CDADC1: variants seen among roughly 807,000 people sequenced by gnomAD.
CDADC1 encodes the protein cytidine and dCMP deaminase domain containing 1.
CDADC1 carries 39 observed loss-of-function variants against 54.9 expected under a neutral mutation model. The ratio of observed to expected loss-of-function variants is 0.71; its 90% confidence interval spans 0.55 to 0.93. The LOEUF is 0.93. Among genes scored for constraint, CDADC1 ranks in the 40% least tolerant of loss-of-function variants. CDADC1 has a pLI of 0.00. For synonymous variants in CDADC1, 186 were observed against 204.0 expected (o/e 0.91, Z 0.75); for missense variants, 518 against 618.8 (o/e 0.84, Z 1.73).
At chr13:49,268,908 A>C (rs1440217364) in intron 5 of CDADC1, among the ~76,000 whole-genome samples, 3 of 152,204 alleles carry the variant, frequency 2.0e-5, no homozygotes, top group Non-Finnish European at 2.9e-5. Context: ...TGGAAAAGGA[A>C]AATATTACTT....
At chr13:49,251,303 G>C (rs1952425520) in intron 2 of CDADC1, among the ~76,000 whole-genome samples, 1 of 151,632 alleles carries the variant, frequency 6.6e-6, no homozygotes, top group African/African-American at 2.4e-5. Flanking sequence ...AGCTACTTAG[G>C]AGGCTGAGGC....
At chr13:49,275,724 TATAGAGAGAGAGAG>T (rs1953107072) in intron 6 of CDADC1, among the ~76,000 whole-genome samples, 4 of 15,454 alleles carry the variant, frequency 2.6e-4, no homozygotes, top group Admixed American at 2.1e-3. Flanking sequence ...TATATATATA[TATAGAGAGAGAGAG>T]AGAGAGAGAG....
rs1367247191 is a variant in CDADC1 at position 49,248,000 on chromosome 13, G to A, written c.-38G>A. On this transcript the variant is annotated 5_prime_UTR_variant, in exon 1 of 10. Transcript: ENST00000251108. Reference sequence around the variant, plus strand: ...TAGGGCCGAGATCATGTCTGACTGGGAGAGGTTTCCTTGGCAGCAGAGGAC... The same window carrying A: ...TAGGGCCGAGATCATGTCTGACTGGAAGAGGTTTCCTTGGCAGCAGAGGAC... 6.5e-7 allele frequency: 1 copy of A among 1,536,254 alleles called. No individual in the cohort carries two copies. Among genetic ancestry groups the A allele is most frequent in the Non-Finnish European group, 8.8e-7 (1 of 1,133,046 alleles).
chr13:49,269,887 TTATAAG>T (rs1398832227), intron 5 of CDADC1, among the ~76,000 whole-genome samples: 27 of 152,362 alleles, frequency 1.8e-4, no homozygotes, highest in African/African-American at 5.0e-4. Flanking sequence ...TACTGTATAG[TTATAAG>T]TATATCCACT....
Position 49,259,362 on chromosome 13 carries a change from T to G in CDADC1, c.269T>G (p.Leu90Arg). Residue 90 changes from leucine to arginine, a missense_variant, in exon 4 of 10, where the codon CTT becomes CGT. Coordinates refer to ENST00000251108, the MANE Select transcript of CDADC1 (RefSeq NM_030911.4). ...TDKRQVKRTG[L>R]VVVKNMKIVG... ...TTAATGTAGGTAAAGAGAACTGGTC[T>G]TGTGGTGGTGAAAAACATGAAAATT... is the stretch of plus-strand genomic sequence containing the variant. 6.2e-7 allele frequency: 1 copy of G among 1,612,488 alleles called. No homozygotes were observed. Among genetic ancestry groups the G allele is most frequent in the Non-Finnish European group, 8.5e-7 (1 of 1,178,824 alleles).
chr13:49,248,028 T>C lies in CDADC1; in HGVS notation c.-10T>C. The C allele has an allele frequency of 1.3e-6, 2 of 1,552,046 alleles. No individual in the cohort carries two copies. The highest frequency in any genetic ancestry group is 1.4e-5 in the African/African-American group (1 of 73,178). ...AGGTTTCCTTGGCAGCAGAGGACGC[T>C]AGGTTTGGGATGAAAGAAGCTGGGC... On this transcript the variant is annotated 5_prime_UTR_variant, in exon 1 of 10. Transcript: ENST00000251108.
At chr13:49,278,251 A>G in intron 6 of CDADC1, 99 bp from the exon 7 acceptor site, 1 of 804,774 alleles carries the variant, frequency 1.2e-6, no homozygotes, top group Non-Finnish European at 1.8e-6. Flanking sequence ...AATTGAATGA[A>G]TATTCATTAT....
chr13:49,291,191 G>C (rs1166399016), intron 9 of CDADC1, among the ~76,000 whole-genome samples: 1 of 140,552 alleles, frequency 7.1e-6, no homozygotes, highest in Non-Finnish European at 1.5e-5. Flanking sequence ...TTTTGAGACA[G>C]GGTCTCGCTG....
rs759792512 is a variant in CDADC1 at position 49,282,236 on chromosome 13, G to GTTTTTT, written c.1410+1552_1410+1557dup. Among the ~76,000 whole-genome samples the GTTTTTT allele has an allele frequency of 8.3e-4, 78 of 94,126 alleles. 1 individual carries two copies. The highest frequency in any genetic ancestry group is 1.2e-3 in the Admixed American group (10 of 8,192). 61.8% of individuals were successfully genotyped at this position (94,126 alleles called of 152,430 possible). Reference sequence around the variant, plus strand: ...ACTATTTGGGTTCTGGTTTTTGTGGGTTTTTTTTTTTTTTTTTTTGCTTTT... The same window carrying GTTTTTT: ...ACTATTTGGGTTCTGGTTTTTGTGGGTTTTTTTTTTTTTTTTTTTTTTTTTGCTTTT... On this transcript the variant is annotated intron_variant, in intron 8 of 9. Transcript: ENST00000251108.
At chr13:49,260,712 A>G (rs1361214561) in intron 4 of CDADC1, among the ~76,000 whole-genome samples, 1 of 152,240 alleles carries the variant, frequency 6.6e-6, no homozygotes, top group African/African-American at 2.4e-5. Flanking sequence ...ATCTTGTTGC[A>G]TAGGCATCAT....
intron 8 of CDADC1, among the ~76,000 whole-genome samples, chr13:49,285,303 C>A (rs528510943): frequency 6.6e-6 from 1 of 151,684 alleles, no homozygotes; most frequent in East Asian, 1.9e-4. Context: ...CTCAGCCTCT[C>A]GAGTAGCTGG....
chr13:49,267,724 A>T lies in CDADC1; in HGVS notation c.665A>T (p.Asp222Val), dbSNP rs1230262139. The T allele has an allele frequency of 3.7e-6, 6 of 1,611,684 alleles. No homozygotes were observed. The highest frequency in any genetic ancestry group is 3.4e-6 in the Non-Finnish European group (4 of 1,179,106). The change falls in exon 5 of 10, where the codon GAT (aspartate) becomes GTT (valine). Residue 222 changes from aspartate (D) to valine (V), a missense_variant. Physicochemically the swap from Asp to Val is radical, Grantham distance 152. Coordinates refer to ENST00000251108, the MANE Select transcript of CDADC1 (RefSeq NM_030911.4). ...FIQKITKTLP[D>V]ANTDFYYECK... ...CAAAAAATTACAAAAACATTGCCGGATGCTAACACTGACTTTTATTATGAA... is the reference window on the plus strand; with the variant it reads ...CAAAAAATTACAAAAACATTGCCGGTTGCTAACACTGACTTTTATTATGAA...
In CDADC1 at chr13:49,263,268, T is replaced by A. The variant is rs143477339; in HGVS notation, c.430+3745T>A. Among the ~76,000 whole-genome samples, 311 of 152,322 alleles carry A rather than the reference T, an allele frequency of 2.0e-3. 1 individual carries two copies. Among genetic ancestry groups the A allele is most frequent in the African/African-American group, 7.2e-3 (298 of 41,562 alleles). ...TAAAATTTGAGCTATCAAGTGAAAA[T>A]TAGAATTTTGGAAAACTCATATTCT... On this transcript the variant is annotated intron_variant, in intron 4 of 9. Coordinates refer to ENST00000251108, the MANE Select transcript of CDADC1 (RefSeq NM_030911.4).
In CDADC1 at chr13:49,278,343, C is replaced by A; in HGVS notation, c.1051-7C>A. On this transcript the variant is annotated splice_region_variant and splice_polypyrimidine_tract_variant and intron_variant, in intron 6 of 9. Coordinates refer to ENST00000251108, the MANE Select transcript of CDADC1 (RefSeq NM_030911.4). ...GAAACTAACCATTGGTTTGCTCACT[C>A]TCGTAGAGAAGTTGTGATGGAACAG... 6.6e-7 allele frequency: 1 copy of A among 1,521,610 alleles called. No homozygotes were observed. Among genetic ancestry groups the A allele is most frequent in the South Asian group, 1.3e-5 (1 of 77,834 alleles). 94.3% of individuals were successfully genotyped at this position (1,521,610 alleles called of 1,614,324 possible).
intron 5 of CDADC1, among the ~76,000 whole-genome samples, chr13:49,273,126 A>G (rs1385149096): frequency 1.3e-5 from 2 of 152,238 alleles, no homozygotes; most frequent in Non-Finnish European, 2.9e-5. Context: ...TTAGAGTATC[A>G]TAACTGTTTT....
chr13:49,263,184 G>A (rs1952725861), intron 4 of CDADC1, among the ~76,000 whole-genome samples: 1 of 152,146 alleles, frequency 6.6e-6, no homozygotes, highest in Non-Finnish European at 1.5e-5. Flanking sequence ...ATATTTTCTT[G>A]AAAATATAGT....
chr13:49,274,977 G>A (rs1003134311), intron 6 of CDADC1, among the ~76,000 whole-genome samples: 3 of 151,972 alleles, frequency 2.0e-5, no homozygotes, highest in African/African-American at 7.3e-5. Flanking sequence ...TACTGTTGGT[G>A]AATATTATTA....
chr13:49,291,838 A>G lies in CDADC1; in HGVS notation c.*81A>G, dbSNP rs879211185. ...ATTCAGCCTTGTTCATTCAGAAAATAAGGATGGATTTTGTGAATAATTGAA... is the reference window on the plus strand; with the variant it reads ...ATTCAGCCTTGTTCATTCAGAAAATGAGGATGGATTTTGTGAATAATTGAA... On this transcript the variant is annotated 3_prime_UTR_variant, in exon 10 of 10. Transcript: ENST00000251108. The G allele has an allele frequency of 3.7e-5, 56 of 1,528,832 alleles. No individual in the cohort carries two copies. In the South Asian group the frequency reaches 6.2e-4, roughly 17 times the overall value. 94.7% of individuals were successfully genotyped at this position (1,528,832 alleles called of 1,614,324 possible). A position where few individuals can be genotyped will look rare whatever the true frequency, so the allele number is the denominator to read the frequency against.
At chr13:49,266,798 A>G (rs1167642813) in intron 4 of CDADC1, among the ~76,000 whole-genome samples, 1 of 152,218 alleles carries the variant, frequency 6.6e-6, no homozygotes, top group Non-Finnish European at 1.5e-5. Flanking sequence ...TTTTCCTAGA[A>G]TGGATTCTCA....
Sources: gnomAD v4.1 joint callset for allele counts (sites outside exome capture counted in the v4.1 genomes callset) on GRCh38, gnomAD v4.1.1 for gene constraint, MANE v1.5 for transcripts, NCBI Gene and HGNC (gene_info 2026-07-23, HGNC 2026-07-21) for gene names.